ITPR1: variants seen among roughly 807,000 people sequenced by gnomAD.
ITPR1 encodes the protein inositol 1,4,5-trisphosphate receptor type 1, also known as inositol 1,4,5-trisphosphate-gated calcium channel ITPR1.
In ITPR1, 96 loss-of-function variants were observed where a neutral mutation model predicts 318.4. That is an observed-to-expected ratio of 0.30 (90% confidence interval 0.26 to 0.36). The LOEUF (loss-of-function observed/expected upper bound fraction) is 0.36. ITPR1 is among the 10% of genes least tolerant of loss of function. The pLI, the probability that ITPR1 is intolerant of heterozygous loss-of-function variation, is 1.00. For synonymous variants in ITPR1, 1,312 were observed against 1,289.9 expected (o/e 1.02, Z -0.37); for missense variants, 2,440 against 3,460.2 (o/e 0.71, Z 7.40).
chr3:4,732,855 G>C (rs2043021201), intron 42 of ITPR1, among the ~76,000 whole-genome samples: 1 of 152,210 alleles, frequency 6.6e-6, no homozygotes, highest in Non-Finnish European at 1.5e-5. Context: ...CATTGTGTGA[G>C]AGGGAACTTC....
intron 4 of ITPR1, among the ~76,000 whole-genome samples, chr3:4,533,424 C>G (rs1375287732): frequency 6.6e-6 from 1 of 152,056 alleles, no homozygotes; most frequent in African/African-American, 2.4e-5. Context: ...CCTTAGTTTC[C>G]CCACCTGGCT....
At chr3:4,803,485 G>A (rs2048369699) in intron 54 of ITPR1, among the ~76,000 whole-genome samples, 1 of 152,178 alleles carries the variant, frequency 6.6e-6, no homozygotes, top group African/African-American at 2.4e-5. Context: ...TTACATCGTT[G>A]ACCTACTGGG....
chr3:4,663,289 C>T (rs2093876676), intron 16 of ITPR1, 83 bp downstream of exon 16: 8 of 1,343,964 alleles, frequency 6.0e-6, no homozygotes, highest in Admixed American at 2.4e-5. Flanking sequence ...GTAGTCCCAG[C>T]ACTTTGGGAA....
At chr3:4,529,899 C>T (rs2083275007) in intron 4 of ITPR1, among the ~76,000 whole-genome samples, 1 of 152,122 alleles carries the variant, frequency 6.6e-6, no homozygotes, top group African/African-American at 2.4e-5. Flanking sequence ...GATGAGGAAA[C>T]TGACATGTAA....
intron 4 of ITPR1, among the ~76,000 whole-genome samples, chr3:4,627,100 C>T (rs1444005778): frequency 6.6e-6 from 1 of 152,010 alleles, no homozygotes; most frequent in Non-Finnish European, 1.5e-5. Context: ...GGATTACAGG[C>T]ATGAGCCACC....
intron 4 of ITPR1, among the ~76,000 whole-genome samples, chr3:4,621,158 C>G (rs2092615520): frequency 6.6e-6 from 1 of 152,094 alleles, no homozygotes; most frequent in Non-Finnish European, 1.5e-5. Context: ...TGTCGCACTG[C>G]TACAGAGAAA....
chr3:4,517,967 C>T (rs1239592587), intron 3 of ITPR1, among the ~76,000 whole-genome samples: 1 of 152,250 alleles, frequency 6.6e-6, no homozygotes, highest in African/African-American at 2.4e-5. Flanking sequence ...TTAATCCTCA[C>T]ACAACTGTCT....
chr3:4,738,034 G>A (rs1201662187), intron 44 of ITPR1, among the ~76,000 whole-genome samples: 1 of 152,128 alleles, frequency 6.6e-6, no homozygotes, highest in African/African-American at 2.4e-5. Flanking sequence ...CACTTATAGG[G>A]GGAACGACGC....
At chr3:4,834,651 T>G (rs2050762799) in intron 60 of ITPR1, among the ~76,000 whole-genome samples, 1 of 152,116 alleles carries the variant, frequency 6.6e-6, no homozygotes, top group Non-Finnish European at 1.5e-5. Context: ...GCTACTTCCT[T>G]GGTGGGAAGA....
At chr3:4,645,004 G>C (rs186956261) in intron 8 of ITPR1, among the ~76,000 whole-genome samples, 1 of 152,292 alleles carries the variant, frequency 6.6e-6, no homozygotes, top group Admixed American at 6.5e-5. Context: ...ACATTTTCGA[G>C]TGTATACACT....
intron 15 of ITPR1, 87 bp downstream of exon 15, chr3:4,662,329 C>G: frequency 8.2e-7 from 1 of 1,213,224 alleles, no homozygotes; most frequent in Non-Finnish European, 1.1e-6. Context: ...AATGGTGACT[C>G]TGAACAGCTA....
At chr3:4,825,570 G>T (rs2050018396) in intron 60 of ITPR1, among the ~76,000 whole-genome samples, 1 of 152,204 alleles carries the variant, frequency 6.6e-6, no homozygotes, top group Admixed American at 6.5e-5. Flanking sequence ...GAAACATTAT[G>T]AGAAGATTCA....
intron 24 of ITPR1, among the ~76,000 whole-genome samples, chr3:4,679,146 T>G (rs189560638): frequency 8.1e-4 from 123 of 152,194 alleles, no homozygotes; most frequent in African/African-American, 2.8e-3. Context: ...TGATTAGATG[T>G]GTGTCCAGGA....
intron 10 of ITPR1, among the ~76,000 whole-genome samples, chr3:4,649,586 T>C (rs2093548884): frequency 6.6e-6 from 1 of 152,202 alleles, no homozygotes; most frequent in Non-Finnish European, 1.5e-5. Flanking sequence ...GTGCTGAATG[T>C]TTCATATAAA....
At chr3:4,614,453 TTC>T (rs2092304208) in intron 4 of ITPR1, among the ~76,000 whole-genome samples, 1 of 152,350 alleles carries the variant, frequency 6.6e-6, no homozygotes, top group African/African-American at 2.4e-5. Flanking sequence ...TTTGAAGGAC[TTC>T]AAGCAAAGTA....
intron 4 of ITPR1, among the ~76,000 whole-genome samples, chr3:4,600,016 T>A (rs951361595): frequency 6.6e-6 from 1 of 152,250 alleles, no homozygotes; most frequent in African/African-American, 2.4e-5. Context: ...AAGCCTGATG[T>A]GCTTTATCGC....
chr3:4,772,890 A>T (rs563734085), intron 46 of ITPR1, among the ~76,000 whole-genome samples: 1 of 152,340 alleles, frequency 6.6e-6, no homozygotes, highest in Admixed American at 6.5e-5. Context: ...GGCTTTCAGG[A>T]ATGGGCAGCC....
chr3:4,631,420 C>T (rs1445581685), intron 5 of ITPR1, among the ~76,000 whole-genome samples: 1 of 151,920 alleles, frequency 6.6e-6, no homozygotes, highest in Non-Finnish European at 1.5e-5. Flanking sequence ...GTTACTATTC[C>T]CCATTTTATT....
intron 44 of ITPR1, among the ~76,000 whole-genome samples, chr3:4,738,216 T>C (rs955770180): frequency 6.6e-6 from 1 of 151,524 alleles, no homozygotes; most frequent in African/African-American, 2.4e-5. Context: ...AATAAAAGTT[T>C]AAAAAAGAAA....
Sources: allele counts gnomAD v4.1 joint callset (sites outside exome capture counted in the v4.1 genomes callset), GRCh38; gene constraint gnomAD v4.1.1; transcripts MANE v1.5; gene names NCBI Gene and HGNC (gene_info 2026-07-23, HGNC 2026-07-21).